The following ABTB3 variants were observed in gnomAD, a reference collection of about 807,000 sequenced individuals.
ABTB3 encodes ankyrin repeat and BTB domain containing 3, also known as ankyrin repeat- and BTB/POZ domain-containing protein 3.
chr12:107,442,592 A>G, the ABTB3 span, among the ~76,000 whole-genome samples: 1 of 152,194 alleles, frequency 6.6e-6, no homozygotes. Flanking sequence ...CCTTTCCTCC[A>G]TTTTTCCTTT....
At chr12:107,467,330 G>C in the ABTB3 span, among the ~76,000 whole-genome samples, 4 of 152,034 alleles carry the variant, frequency 2.6e-5, no homozygotes, top group Non-Finnish European at 4.4e-5. Context: ...AGAATGTGCC[G>C]TTCCAACAAG....
the ABTB3 span, among the ~76,000 whole-genome samples, chr12:107,418,652 C>T: frequency 1.5e-4 from 23 of 152,324 alleles, no homozygotes; most frequent in Admixed American, 2.6e-4. Context: ...AGCCCAGAAA[C>T]TGGGCATCCG....
the ABTB3 span, among the ~76,000 whole-genome samples, chr12:107,439,102 C>T: frequency 3.3e-5 from 5 of 152,160 alleles, no homozygotes; most frequent in African/African-American, 9.7e-5. Context: ...GTTGCTTGAA[C>T]GTAAAGACAG....
At chr12:107,444,837 C>G in the ABTB3 span, among the ~76,000 whole-genome samples, 1 of 152,140 alleles carries the variant, frequency 6.6e-6, no homozygotes, top group Admixed American at 6.5e-5. Context: ...CCCCGTGAGG[C>G]CTAGGGAGGT....
the ABTB3 span, among the ~76,000 whole-genome samples, chr12:107,625,819 C>G: frequency 1.3e-5 from 2 of 152,196 alleles, no homozygotes; most frequent in South Asian, 4.1e-4. Context: ...TGGCTCCCTA[C>G]TTGACCTTCG....
At chr12:107,570,707 T>C in the ABTB3 span, among the ~76,000 whole-genome samples, 1 of 152,078 alleles carries the variant, frequency 6.6e-6, no homozygotes, top group Non-Finnish European at 1.5e-5. Context: ...TGAGGAAGAA[T>C]AAAAATATTA....
the ABTB3 span, among the ~76,000 whole-genome samples, chr12:107,626,156 C>G: frequency 6.6e-6 from 1 of 152,234 alleles, no homozygotes; most frequent in East Asian, 1.9e-4. Context: ...CCCAAACTCC[C>G]TAGGTCGTCT....
the ABTB3 span, among the ~76,000 whole-genome samples, chr12:107,464,166 G>A: frequency 6.6e-6 from 1 of 151,386 alleles, no homozygotes; most frequent in Admixed American, 6.6e-5. Flanking sequence ...CTACAGGGTG[G>A]GTTGAGAAAG....
chr12:107,319,013 G>A, the ABTB3 span: 6 of 1,613,700 alleles, frequency 3.7e-6, no homozygotes, highest in African/African-American at 1.3e-5. Context: ...TTATGGTGGC[G>A]CGGCGGACTC....
chr12:107,441,158 C>T, the ABTB3 span, among the ~76,000 whole-genome samples: 6 of 152,236 alleles, frequency 3.9e-5, no homozygotes, highest in South Asian at 4.1e-4. Context: ...GCCACACGCA[C>T]GCACATATTC....
At chr12:107,517,875 G>T in the ABTB3 span, among the ~76,000 whole-genome samples, 1 of 151,984 alleles carries the variant, frequency 6.6e-6, no homozygotes, top group Non-Finnish European at 1.5e-5. Flanking sequence ...TCTGACAAAG[G>T]GCTAATATCC....
the ABTB3 span, among the ~76,000 whole-genome samples, chr12:107,607,764 C>T: frequency 6.6e-6 from 1 of 152,170 alleles, no homozygotes; most frequent in Non-Finnish European, 1.5e-5. Flanking sequence ...CCCTGGATTC[C>T]CATTCCGGAA....
At chr12:107,413,199 G>T in the ABTB3 span, among the ~76,000 whole-genome samples, 7 of 152,070 alleles carry the variant, frequency 4.6e-5, no homozygotes, top group African/African-American at 1.4e-4. Flanking sequence ...GCGTGAACCC[G>T]GGAGGCGGAG....
At chr12:107,394,535 G>C in the ABTB3 span, among the ~76,000 whole-genome samples, 6 of 152,180 alleles carry the variant, frequency 3.9e-5, no homozygotes, top group Non-Finnish European at 7.3e-5. Flanking sequence ...TTAAAGTGCT[G>C]TTCCAATGTG....
the ABTB3 span, among the ~76,000 whole-genome samples, chr12:107,347,865 C>T: frequency 6.6e-6 from 1 of 152,014 alleles, no homozygotes; most frequent in Non-Finnish European, 1.5e-5. Flanking sequence ...CAAAGGACAT[C>T]CAGATGTGCA....
At chr12:107,610,181 C>A in the ABTB3 span, 1 of 1,614,154 alleles carries the variant, frequency 6.2e-7, no homozygotes, top group South Asian at 1.1e-5. Context: ...TGTCTCTTCC[C>A]TTCCTTAGGG....
the ABTB3 span, among the ~76,000 whole-genome samples, chr12:107,528,507 T>G: frequency 6.6e-6 from 1 of 152,212 alleles, no homozygotes; most frequent in Non-Finnish European, 1.5e-5. Flanking sequence ...TATTAGTGGA[T>G]TGATTCTCAG....
the ABTB3 span, chr12:107,520,712 C>T: frequency 2.6e-6 from 4 of 1,563,010 alleles, no homozygotes; most frequent in South Asian, 3.5e-5. Context: ...ACAATGTCCT[C>T]ATGCCAACCC....
At chr12:107,618,010 T>C in the ABTB3 span, 1 of 697,618 alleles carries the variant, frequency 1.4e-6, no homozygotes, top group East Asian at 2.7e-5. Context: ...TGGCACCCAC[T>C]GTTAGGCCTC....
Sources: gnomAD v4.1 joint callset for allele counts (sites outside exome capture counted in the v4.1 genomes callset) on GRCh38, gnomAD v4.1.1 for gene constraint, MANE v1.5 for transcripts, NCBI Gene and HGNC (gene_info 2026-07-23, HGNC 2026-07-21) for gene names.